Variants in GRM3 observed in about 807,000 individuals in gnomAD.
GRM3 encodes the protein glutamate metabotropic receptor 3.
In GRM3, 26 loss-of-function variants were observed where a neutral mutation model predicts 70.5. The observed-to-expected ratio is 0.37, with a 90% CI of 0.27 to 0.51. The LOEUF (loss-of-function observed/expected upper bound fraction) is 0.51, where lower values mean the gene tolerates loss of function less well. Ranked by LOEUF, GRM3 falls within the 20% of genes least tolerant of loss-of-function variation. GRM3 has a pLI of 0.93. For missense variants in GRM3, 859 were observed against 1,123.8 expected, an observed-to-expected ratio of 0.76 and a Z score of 3.37; for synonymous variants, 443 against 434.9, an observed-to-expected ratio of 1.02 and a Z score of -0.23.
intron 1 of GRM3, among the ~76,000 whole-genome samples, chr7:86,645,979 G>GTGGGT (rs1793451606): frequency 2.0e-5 from 1 of 49,434 alleles, no homozygotes; most frequent in African/African-American, 9.2e-5. Flanking sequence ...TTTCTTTGTG[G>GTGGGT]TGGGCGGGGG....
At chr7:86,824,000 T>C (rs1798181311) in intron 3 of GRM3, among the ~76,000 whole-genome samples, 1 of 152,164 alleles carries the variant, frequency 6.6e-6, no homozygotes, top group Non-Finnish European at 1.5e-5. Flanking sequence ...GCAGAGCTGC[T>C]GAGGCAAGAC....
chr7:86,784,835 A>T (rs946632273), intron 2 of GRM3, among the ~76,000 whole-genome samples: 1 of 152,232 alleles, frequency 6.6e-6, no homozygotes, highest in African/African-American at 2.4e-5. Flanking sequence ...GAGAGGTAGC[A>T]GGATTGGAAA....
intron 1 of GRM3, among the ~76,000 whole-genome samples, chr7:86,647,895 A>C (rs1793514217): frequency 6.6e-6 from 1 of 152,238 alleles, no homozygotes; most frequent in Admixed American, 6.5e-5. Flanking sequence ...GACTTCTTCC[A>C]GAGTCTTTGA....
chr7:86,727,327 C>G (rs931459467), intron 1 of GRM3, among the ~76,000 whole-genome samples: 1 of 152,104 alleles, frequency 6.6e-6, no homozygotes, highest in Non-Finnish European at 1.5e-5. Context: ...CCTACCCCAG[C>G]CCCATTCATA....
chr7:86,722,606 G>T (rs1173245116), intron 1 of GRM3, among the ~76,000 whole-genome samples: 2 of 142,350 alleles, frequency 1.4e-5, no homozygotes, highest in Admixed American at 7.0e-5. Flanking sequence ...GGACTGTCGG[G>T]GGGTGGGGGG....
intron 1 of GRM3, among the ~76,000 whole-genome samples, chr7:86,659,107 A>G (rs566795927): frequency 1.9e-4 from 29 of 152,282 alleles, no homozygotes; most frequent in South Asian, 1.0e-3. Flanking sequence ...TGATAAAAGC[A>G]CATTTCAGAC....
At chr7:86,711,688 A>G (rs1199243353) in intron 1 of GRM3, among the ~76,000 whole-genome samples, 4 of 152,108 alleles carry the variant, frequency 2.6e-5, no homozygotes, top group Non-Finnish European at 4.4e-5. Context: ...CTTATAGTTA[A>G]TTAATTACAC....
At chr7:86,772,860 G>A (rs781612037) in intron 2 of GRM3, among the ~76,000 whole-genome samples, 20 of 152,018 alleles carry the variant, frequency 1.3e-4, no homozygotes, top group Non-Finnish European at 2.4e-4. Flanking sequence ...GCATGGATAT[G>A]TTACAATTGT....
At chr7:86,692,138 G>A (rs1794709679) in intron 1 of GRM3, among the ~76,000 whole-genome samples, 1 of 152,126 alleles carries the variant, frequency 6.6e-6, no homozygotes, top group East Asian at 1.9e-4. Context: ...CCTTGGAAAG[G>A]CCAATTAGAC....
chr7:86,750,318 A>G (rs1796200235), intron 1 of GRM3, among the ~76,000 whole-genome samples: 1 of 152,090 alleles, frequency 6.6e-6, no homozygotes, highest in Admixed American at 6.6e-5. Flanking sequence ...TTACTTTGTG[A>G]CCAATAGCAT....
At chr7:86,840,034 T>C in intron 4 of GRM3, 129 bp downstream of exon 4, 1 of 625,876 alleles carries the variant, frequency 1.6e-6, no homozygotes, top group Non-Finnish European at 2.8e-6. Flanking sequence ...GATGAGCCTG[T>C]ATATTGTATG....
At chr7:86,661,240 AT>A (rs1209130007) in intron 1 of GRM3, among the ~76,000 whole-genome samples, 1 of 151,992 alleles carries the variant, frequency 6.6e-6, no homozygotes, top group East Asian at 1.9e-4. Context: ...TGAAAGAAAA[AT>A]ATGATGCAAT....
chr7:86,694,961 TC>T (rs1432140992), intron 1 of GRM3, among the ~76,000 whole-genome samples: 1 of 152,202 alleles, frequency 6.6e-6, no homozygotes, highest in Non-Finnish European at 1.5e-5. Flanking sequence ...GATCAAGGGT[TC>T]CCTTTCAAGA....
At chr7:86,665,343 A>G (rs1045029569) in intron 1 of GRM3, among the ~76,000 whole-genome samples, 3 of 152,080 alleles carry the variant, frequency 2.0e-5, no homozygotes, top group Non-Finnish European at 2.9e-5. Flanking sequence ...ACATGAAAAT[A>G]TAAGTATAAA....
chr7:86,794,252 C>A (rs1797495350), intron 3 of GRM3, among the ~76,000 whole-genome samples: 1 of 152,008 alleles, frequency 6.6e-6, no homozygotes, highest in Non-Finnish European at 1.5e-5. Flanking sequence ...TACCTTTATG[C>A]TATTACTTAT....
intron 1 of GRM3, among the ~76,000 whole-genome samples, chr7:86,737,691 C>T (rs938259546): frequency 4.6e-5 from 7 of 152,100 alleles, no homozygotes; most frequent in African/African-American, 1.4e-4. Context: ...CCATTTTGGA[C>T]ACATATCTCT....
chr7:86,799,315 C>G (rs904818259), intron 3 of GRM3, among the ~76,000 whole-genome samples: 1 of 152,214 alleles, frequency 6.6e-6, no homozygotes, highest in Non-Finnish European at 1.5e-5. Context: ...TTGACTTCCT[C>G]TCTTCCTATT....
intron 3 of GRM3, among the ~76,000 whole-genome samples, chr7:86,817,635 T>C (rs1160783956): frequency 6.6e-6 from 1 of 151,994 alleles, no homozygotes; most frequent in Non-Finnish European, 1.5e-5. Context: ...AAAATATTTC[T>C]CAGATTTTCT....
At position 86,644,420 on chromosome 7, in the gene GRM3, G is replaced by A; in HGVS notation, c.-593G>A. 2.9e-6 allele frequency: 1 copy of A among 340,188 alleles called. No homozygotes were observed. The highest frequency in any genetic ancestry group is 5.8e-6 in the Non-Finnish European group (1 of 173,292). The allele number at this position is 340,188 out of a possible 1,614,324, so 21.1% of individuals were successfully genotyped here. A position where few individuals can be genotyped will look rare whatever the true frequency, so the allele number is the denominator to read the frequency against. ...GATGCGACGGCTTCAGCCTGGTCAA[G>A]GTGAAGGAAAGTTGCTTCCGCGCCT... On this transcript the variant is annotated 5_prime_UTR_variant, in exon 1 of 6. Coordinates refer to ENST00000361669, the MANE Select transcript of GRM3 (RefSeq NM_000840.3).
Sources: gnomAD v4.1 joint callset for allele counts (sites outside exome capture counted in the v4.1 genomes callset) on GRCh38, gnomAD v4.1.1 for gene constraint, MANE v1.5 for transcripts, NCBI Gene and HGNC (gene_info 2026-07-23, HGNC 2026-07-21) for gene names.